Variants in LANCL3 observed in about 807,000 individuals in gnomAD.
LANCL3 encodes LanC like family member 3.
LANCL3 carries 19 observed loss-of-function variants against 26.5 expected under a neutral mutation model. The observed-to-expected ratio is 0.72, with a 90% CI of 0.50 to 1.05. LANCL3 has a LOEUF of 1.05. Ranked by LOEUF, LANCL3 falls within the 50% of genes least tolerant of loss-of-function variation. The pLI, the probability that LANCL3 is intolerant of heterozygous loss-of-function variation, is 0.00. For missense variants in LANCL3, 318 were observed against 362.7 expected, an observed-to-expected ratio of 0.88 and a Z score of 1.00; for synonymous variants, 160 against 166.6, an observed-to-expected ratio of 0.96 and a Z score of 0.30.
intron 1 of LANCL3, among the ~76,000 whole-genome samples, chrX:37,623,503 A>G (rs1457454320): frequency 1.8e-5 from 2 of 111,871 alleles, no homozygotes; most frequent in Non-Finnish European, 3.8e-5. Context: ...GCCTTCCCCA[A>G]TCTAATCACT....
rs945410063 is a variant in LANCL3 at position 37,684,285 on chromosome X, T to A, written c.*8472T>A. 8 of 112,769 alleles carry A rather than the reference T, an allele frequency of 7.1e-5. No homozygotes were observed. The highest frequency in any genetic ancestry group is 1.5e-4 in the Non-Finnish European group (8 of 53,348). The allele number at this position is 112,769 out of a possible 1,213,427, so 9.3% of individuals were successfully genotyped here. On this transcript the variant is annotated 3_prime_UTR_variant, in exon 5 of 5. Coordinates refer to ENST00000378619, the MANE Select transcript of LANCL3 (RefSeq NM_001170331.2). Reference sequence around the variant, plus strand: ...CTAAACACTGTGATCTTTCCAAATGTGTTTTCTGTATTCGTTTTGTACTGT... The same window carrying A: ...CTAAACACTGTGATCTTTCCAAATGAGTTTTCTGTATTCGTTTTGTACTGT...
chrX:37,662,945 G>C (rs1218185090), intron 3 of LANCL3, among the ~76,000 whole-genome samples: 2 of 110,740 alleles, frequency 1.8e-5, no homozygotes, highest in African/African-American at 6.6e-5. Context: ...TGTGATCCAG[G>C]ATGCAGGAAG....
intron 1 of LANCL3, among the ~76,000 whole-genome samples, chrX:37,654,868 A>T (rs963222556): frequency 1.8e-5 from 2 of 112,309 alleles, no homozygotes; most frequent in Non-Finnish European, 3.8e-5. Context: ...ATCTAACACA[A>T]CAGTGCTGTG....
chrX:37,601,338 G>T (rs149395241), intron 1 of LANCL3, among the ~76,000 whole-genome samples: 64 of 111,515 alleles, frequency 5.7e-4, no homozygotes, highest in Middle Eastern at 4.6e-3. Context: ...GGTGAAACTC[G>T]AGTGACGAGA....
intron 1 of LANCL3, among the ~76,000 whole-genome samples, chrX:37,615,535 A>T (rs886736287): frequency 1.1e-4 from 12 of 111,974 alleles, no homozygotes; most frequent in African/African-American, 3.9e-4. Flanking sequence ...TGATAACTAA[A>T]CTGATATTCA....
intron 1 of LANCL3, among the ~76,000 whole-genome samples, chrX:37,601,138 A>G (rs1211380357): frequency 8.9e-6 from 1 of 111,848 alleles, no homozygotes; most frequent in Admixed American, 9.5e-5. Flanking sequence ...TGCATAGCAT[A>G]ATATCAGAGA....
At chrX:37,632,032 T>G (rs1394703272) in intron 1 of LANCL3, among the ~76,000 whole-genome samples, 105 of 111,166 alleles carry the variant, frequency 9.4e-4, no homozygotes, top group Non-Finnish European at 1.9e-3. Flanking sequence ...CTCATTGATC[T>G]GTCTAATGTT....
In LANCL3 at chrX:37,676,069, A is replaced by T; in HGVS notation, c.*256A>T. 1 of 227,420 alleles carries T rather than the reference A, an allele frequency of 4.4e-6. No homozygotes were observed. Among genetic ancestry groups the T allele is most frequent in the Non-Finnish European group, 7.9e-6 (1 of 126,363 alleles). 18.7% of individuals were successfully genotyped at this position (227,420 alleles called of 1,213,427 possible). A position where few individuals can be genotyped will look rare whatever the true frequency, so the allele number is the denominator to read the frequency against. ...ATGTGAAACAAGGGATCATAGGAAA[A>T]GGGGAAAGAGAAATGATCTGTTTTT... On this transcript the variant is annotated 3_prime_UTR_variant, in exon 5 of 5. Transcript: ENST00000378619.
intron 3 of LANCL3, among the ~76,000 whole-genome samples, chrX:37,666,294 A>C (rs1317359552): frequency 6.2e-5 from 7 of 112,201 alleles, no homozygotes; most frequent in Non-Finnish European, 1.3e-4. Context: ...TAGATGCAAA[A>C]CTGGCTTCTT....
intron 1 of LANCL3, among the ~76,000 whole-genome samples, chrX:37,593,124 G>C (rs782035912): frequency 9.0e-6 from 1 of 111,553 alleles, no homozygotes; most frequent in East Asian, 2.8e-4. Flanking sequence ...CCTTTTTGTA[G>C]TTTGTCAAAA....
intron 1 of LANCL3, among the ~76,000 whole-genome samples, chrX:37,639,472 C>T (rs1030994406): frequency 2.8e-5 from 3 of 108,931 alleles, no homozygotes; most frequent in Non-Finnish European, 5.7e-5. Context: ...CATGGGGAAG[C>T]CTGCTTTGGT....
At chrX:37,598,217 A>G (rs73470155) in intron 1 of LANCL3, among the ~76,000 whole-genome samples, 6,441 of 111,384 alleles carry the variant, frequency 0.058, 476 homozygotes, top group African/African-American at 0.2. Context: ...TATTTTTGGT[A>G]TCATATCTAA....
At chrX:37,580,789 A>G (rs1923873197) in intron 1 of LANCL3, among the ~76,000 whole-genome samples, 2 of 110,007 alleles carry the variant, frequency 1.8e-5, no homozygotes, top group Admixed American at 2.0e-4. Context: ...GGTTCTACAT[A>G]TATGTCACAT....
rs1281276664 is a variant in LANCL3 at position 37,679,258 on chromosome X, A to G, written c.*3445A>G. On this transcript the variant is annotated 3_prime_UTR_variant, in exon 5 of 5. Coordinates refer to ENST00000378619, the MANE Select transcript of LANCL3 (RefSeq NM_001170331.2). ...AAATCATGCCCAGTTATGACTTCCA[A>G]TAAGAATTTCAACCAAATAGAATCT... The G allele has an allele frequency of 1.8e-5, 2 of 111,897 alleles. No individual in the cohort carries two copies. Among genetic ancestry groups the G allele is most frequent in the Non-Finnish European group, 3.8e-5 (2 of 53,131 alleles). The allele number at this position is 111,897 out of a possible 1,213,427, so 9.2% of individuals were successfully genotyped here. A position where few individuals can be genotyped will look rare whatever the true frequency, so the allele number is the denominator to read the frequency against.
chrX:37,575,222 T>C (rs1178085529), intron 1 of LANCL3, among the ~76,000 whole-genome samples: 2 of 111,200 alleles, frequency 1.8e-5, no homozygotes, highest in Non-Finnish European at 3.8e-5. Flanking sequence ...CCACTGTGCC[T>C]GGCCTTGTAT....
intron 3 of LANCL3, among the ~76,000 whole-genome samples, chrX:37,666,088 A>G (rs1602135542): frequency 8.9e-6 from 1 of 112,113 alleles, no homozygotes; most frequent in South Asian, 3.7e-4. Flanking sequence ...ACCACAGGCT[A>G]TATTAAAGGA....
Position 37,675,760 on chromosome X carries a change from G to A in LANCL3, c.1210G>A (p.Asp404Asn), listed in dbSNP as rs1556437021. 8.6e-7 allele frequency: 1 copy of A among 1,162,109 alleles called. No individual in the cohort carries two copies. Among genetic ancestry groups the A allele is most frequent in the South Asian group, 1.9e-5 (1 of 51,701 alleles). ...CTCTGGGACAGTGTGCTTTCTGATT[G>A]ACCTGCTGCAGCCCAATCAGGCTGA... ...GFSGTVCFLI[D>N]LLQPNQAEFP... The change falls in exon 5 of 5, where the codon GAC becomes AAC. Residue 404 changes from aspartate to asparagine, a missense_variant. Transcript: ENST00000378619.
intron 1 of LANCL3, among the ~76,000 whole-genome samples, chrX:37,601,472 G>A (rs1308744022): frequency 2.1e-5 from 2 of 96,974 alleles, no homozygotes; most frequent in Non-Finnish European, 4.0e-5. Context: ...CCAGATCTGA[G>A]GGCAAATGCT....
intron 4 of LANCL3, among the ~76,000 whole-genome samples, chrX:37,672,946 C>T (rs1408447302): frequency 8.9e-6 from 1 of 112,162 alleles, no homozygotes; most frequent in Non-Finnish European, 1.9e-5. Flanking sequence ...ATGAATATTA[C>T]TTGGTTGTCA....
Sources: gnomAD v4.1 joint callset for allele counts (sites outside exome capture counted in the v4.1 genomes callset) on GRCh38, gnomAD v4.1.1 for gene constraint, MANE v1.5 for transcripts, NCBI Gene and HGNC (gene_info 2026-07-23, HGNC 2026-07-21) for gene names.